The following MCTP1 variants were observed in gnomAD, a reference collection of about 807,000 sequenced individuals.
MCTP1 encodes the protein multiple C2 and transmembrane domain containing 1, also known as multiple C2 and transmembrane domain-containing protein 1.
Under a neutral mutation model 120.6 loss-of-function variants are expected in MCTP1, and 69 were observed. The ratio of observed to expected loss-of-function variants is 0.57; its 90% CI spans 0.47 to 0.70. The LOEUF (loss-of-function observed/expected upper bound fraction) is 0.70. Among genes scored for constraint, MCTP1 ranks in the 30% least tolerant of loss-of-function variants. The probability of loss-of-function intolerance (pLI) is 0.00; values close to 1 mark genes in which losing one functional copy is unlikely to be tolerated. For missense variants in MCTP1, 1,203 were observed against 1,248.8 expected (o/e 0.96, Z 0.55); for synonymous variants, 529 against 493.1 (o/e 1.07, Z -0.96).
At chr5:94,975,739 C>G (rs1170538427) in intron 2 of MCTP1, among the ~76,000 whole-genome samples, 1 of 152,160 alleles carries the variant, frequency 6.6e-6, no homozygotes, top group South Asian at 2.1e-4. Context: ...CACCCCTTTC[C>G]CTCTCTCTTG....
chr5:95,151,226 TG>T (rs1760872722), intron 1 of MCTP1, among the ~76,000 whole-genome samples: 1 of 151,152 alleles, frequency 6.6e-6, no homozygotes, highest in African/African-American at 2.4e-5. Flanking sequence ...TCAGGCAATC[TG>T]TCAGCTTTGG....
intron 1 of MCTP1, among the ~76,000 whole-genome samples, chr5:95,067,516 C>T (rs908738124): frequency 6.6e-6 from 1 of 151,840 alleles, no homozygotes; most frequent in Non-Finnish European, 1.5e-5. Flanking sequence ...AAGGGATTTA[C>T]AACTAATATA....
chr5:95,121,650 C>A (rs1187483459), intron 1 of MCTP1, among the ~76,000 whole-genome samples: 2 of 151,236 alleles, frequency 1.3e-5, no homozygotes, highest in African/African-American at 2.4e-5. Flanking sequence ...AAAAAAAAAT[C>A]CTAAAATTTA....
chr5:94,976,381 G>A (rs1241251421), intron 2 of MCTP1, among the ~76,000 whole-genome samples: 1 of 152,126 alleles, frequency 6.6e-6, no homozygotes, highest in Non-Finnish European at 1.5e-5. Context: ...AATCAGGGAG[G>A]TGGAGGTTGC....
intron 1 of MCTP1, among the ~76,000 whole-genome samples, chr5:95,118,001 T>C (rs1028504531): frequency 1.3e-5 from 2 of 151,880 alleles, no homozygotes; most frequent in African/African-American, 4.8e-5. Flanking sequence ...AGGGGAACAA[T>C]ACATATGGGG....
At chr5:95,041,325 A>G (rs550355746) in intron 1 of MCTP1, among the ~76,000 whole-genome samples, 2,170 of 150,202 alleles carry the variant, frequency 0.014, 71 homozygotes, top group African/African-American at 0.051. Context: ...AAAAAAAAAA[A>G]AAAAAAGAAA....
chr5:94,810,716 T>C (rs549626807), intron 17 of MCTP1, among the ~76,000 whole-genome samples: 1 of 152,256 alleles, frequency 6.6e-6, no homozygotes, highest in South Asian at 2.1e-4. Flanking sequence ...TCTGGGATAT[T>C]TGGTAGCATT....
chr5:95,199,197 T>C (rs1172040387), intron 1 of MCTP1, among the ~76,000 whole-genome samples: 6 of 152,224 alleles, frequency 3.9e-5, no homozygotes, highest in African/African-American at 1.2e-4. Context: ...AAACACCTTA[T>C]TTTAGTATTT....
At chr5:95,164,300 C>CAAA (rs35180901) in intron 1 of MCTP1, among the ~76,000 whole-genome samples, 27 of 150,632 alleles carry the variant, frequency 1.8e-4, no homozygotes, top group Non-Finnish European at 3.3e-4. Flanking sequence ...TTATTCACAT[C>CAAA]AAAAAAAAAG....
intron 12 of MCTP1, among the ~76,000 whole-genome samples, chr5:94,880,791 A>T (rs1389950625): frequency 6.6e-6 from 1 of 152,160 alleles, no homozygotes; most frequent in Non-Finnish European, 1.5e-5. Flanking sequence ...TGGCAAATGT[A>T]ATTTGTGGAA....
intron 1 of MCTP1, among the ~76,000 whole-genome samples, chr5:95,051,584 G>C (rs1407877675): frequency 6.6e-6 from 1 of 152,224 alleles, no homozygotes; most frequent in East Asian, 1.9e-4. Flanking sequence ...CTGAGCTCTT[G>C]TTCTCTGCCA....
chr5:94,991,081 A>C (rs1377856000), intron 2 of MCTP1, among the ~76,000 whole-genome samples: 1 of 152,234 alleles, frequency 6.6e-6, no homozygotes. Flanking sequence ...TAAATCTATA[A>C]ATCATCAGTG....
At chr5:95,021,271 G>C (rs1311729703) in intron 1 of MCTP1, among the ~76,000 whole-genome samples, 1 of 151,826 alleles carries the variant, frequency 6.6e-6, no homozygotes, top group African/African-American at 2.4e-5. Context: ...TTACTACTGG[G>C]TGAAAAAATA....
intron 2 of MCTP1, among the ~76,000 whole-genome samples, chr5:94,983,466 T>C (rs1344882142): frequency 1.3e-5 from 2 of 152,172 alleles, no homozygotes; most frequent in Non-Finnish European, 2.9e-5. Context: ...ATGGTATCAG[T>C]GTATTGGCTA....
chr5:94,917,268 T>C (rs1382552414), intron 8 of MCTP1, among the ~76,000 whole-genome samples: 1 of 152,156 alleles, frequency 6.6e-6, no homozygotes, highest in African/African-American at 2.4e-5. Flanking sequence ...TGGTACTTAG[T>C]TTTCTGAGGT....
intron 1 of MCTP1, among the ~76,000 whole-genome samples, chr5:95,024,825 C>T (rs1838925868): frequency 6.6e-6 from 1 of 151,932 alleles, no homozygotes; most frequent in Admixed American, 6.6e-5. Flanking sequence ...ATCCTATTTA[C>T]AATATCATAA....
At chr5:95,060,693 C>T (rs578064487) in intron 1 of MCTP1, among the ~76,000 whole-genome samples, 97 of 152,108 alleles carry the variant, frequency 6.4e-4, no homozygotes, top group African/African-American at 1.7e-3. Context: ...AGAATCTGGC[C>T]GGGCACGGTG....
At chr5:95,144,399 G>A (rs923567961) in intron 1 of MCTP1, among the ~76,000 whole-genome samples, 2 of 152,036 alleles carry the variant, frequency 1.3e-5, no homozygotes, top group African/African-American at 4.8e-5. Context: ...TGCAAATGCT[G>A]TTTAGTTTGT....
chr5:95,022,629 G>C (rs139054639), intron 1 of MCTP1, among the ~76,000 whole-genome samples: 5 of 152,162 alleles, frequency 3.3e-5, no homozygotes, highest in Non-Finnish European at 7.4e-5. Context: ...AACATCAATG[G>C]GAATCTAAAT....
Sources: gnomAD v4.1 joint callset for allele counts (sites outside exome capture counted in the v4.1 genomes callset) on GRCh38, gnomAD v4.1.1 for gene constraint, MANE v1.5 for transcripts, NCBI Gene and HGNC (gene_info 2026-07-23, HGNC 2026-07-21) for gene names.